The following ULK2 variants were observed in gnomAD, a reference collection of about 807,000 sequenced individuals.
ULK2 encodes unc-51 like autophagy activating kinase 2.
In ULK2, 76 loss-of-function variants were observed where a neutral mutation model predicts 127.5. That is an observed-to-expected ratio of 0.60 (90% CI 0.50 to 0.72). The LOEUF (loss-of-function observed/expected upper bound fraction) is 0.72, where lower values mean the gene tolerates loss of function less well. Among genes scored for constraint, ULK2 ranks in the 30% least tolerant of loss-of-function variants. The pLI is 0.00. For missense variants in ULK2, 1,144 were observed against 1,295.9 expected, an observed-to-expected ratio of 0.88 and a Z score of 1.80; for synonymous variants, 452 against 461.9, an observed-to-expected ratio of 0.98 and a Z score of 0.28.
Position 19,785,876 on chromosome 17 carries a change from T to C in ULK2, c.2251+61A>G, listed in dbSNP as rs1035820516. 6 of 1,562,386 alleles carry C rather than the reference T, an allele frequency of 3.8e-6. No individual in the cohort carries two copies. In the African/African-American group the frequency reaches 5.6e-5, roughly 15 times the overall value. The stretch of plus-strand genomic sequence containing the variant: ...TGTCCAAGTTACAACACTGAGTCAT[T>C]TGTCAAAACACTACATTCCAAATAC... On this transcript the variant is annotated intron_variant, in intron 21 of 26. Transcript: ENST00000395544.
chr17:19,850,436 T>C (rs1296776525), intron 3 of ULK2, among the ~76,000 whole-genome samples: 1 of 152,178 alleles, frequency 6.6e-6, no homozygotes, highest in Non-Finnish European at 1.5e-5. Flanking sequence ...AAAGACTGAT[T>C]AGCTGGCTCT....
intron 3 of ULK2, among the ~76,000 whole-genome samples, chr17:19,857,937 CTTACT>C (rs1271242486): frequency 3.3e-5 from 5 of 152,006 alleles, no homozygotes; most frequent in African/African-American, 1.2e-4. Context: ...CCTTGGGAAA[CTTACT>C]TTATTTTCTC....
Position 19,849,880 on chromosome 17 carries a change from A to G in ULK2, c.226-106T>C, listed in dbSNP as rs1290380792. On this transcript the variant is annotated intron_variant, in intron 3 of 26. Transcript: ENST00000395544. ...ACTTGTTCATTATTAAAACTGGTAA[A>G]ATGAAATCACAAAATCTATTAGAAA... 9 of 646,134 alleles carry G rather than the reference A, an allele frequency of 1.4e-5. No homozygotes were observed. In the East Asian group the frequency reaches 2.8e-4, roughly 20 times the overall value. 40.0% of individuals were successfully genotyped at this position (646,134 alleles called of 1,614,324 possible).
chr17:19,855,615 A>G (rs1273693232), intron 3 of ULK2: 1 of 151,346 alleles, frequency 6.6e-6, no homozygotes, highest in Non-Finnish European at 1.5e-5. Context: ...AAAAAAAAAA[A>G]AAAAAGGAAA....
intron 12 of ULK2, among the ~76,000 whole-genome samples, chr17:19,823,228 T>A (rs868509819): frequency 6.9e-6 from 1 of 145,380 alleles, no homozygotes; most frequent in African/African-American, 2.6e-5. Flanking sequence ...TCAGAAAAAA[T>A]AGGTTTGTCC....
chr17:19,819,611 T>G (rs1048570902), intron 12 of ULK2, among the ~76,000 whole-genome samples: 1 of 152,210 alleles, frequency 6.6e-6, no homozygotes, highest in Non-Finnish European at 1.5e-5. Flanking sequence ...CTTTGTTCAC[T>G]TGCCTATACA....
At chr17:19,802,191 C>T (rs1014382647) in intron 15 of ULK2, among the ~76,000 whole-genome samples, 5 of 152,116 alleles carry the variant, frequency 3.3e-5, no homozygotes, top group Admixed American at 6.6e-5. Context: ...TTCCTTAATG[C>T]ATATACAAAA....
intron 10 of ULK2, among the ~76,000 whole-genome samples, chr17:19,837,167 C>T (rs573851126): frequency 3.1e-4 from 47 of 151,874 alleles, no homozygotes; most frequent in Admixed American, 1.2e-3. Context: ...TCTGTAATCT[C>T]AGCATTTTGG....
intron 3 of ULK2, among the ~76,000 whole-genome samples, chr17:19,854,464 C>T (rs563306089): frequency 2.2e-4 from 33 of 152,212 alleles, no homozygotes; most frequent in African/African-American, 7.9e-4. Context: ...CTCACCTAAT[C>T]TGACCCTGAT....
At chr17:19,779,477 A>G (rs1263671306) in intron 25 of ULK2, among the ~76,000 whole-genome samples, 1 of 141,356 alleles carries the variant, frequency 7.1e-6, no homozygotes, top group African/African-American at 2.6e-5. Context: ...GGTTGCAGTG[A>G]GCCAAGATCA....
At chr17:19,865,962 GA>G (rs1309981687) in intron 1 of ULK2, 134 bp from the exon 2 acceptor site, 15 of 588,682 alleles carry the variant, frequency 2.5e-5, no homozygotes, top group Non-Finnish European at 3.9e-5. Context: ...TCAATAATTG[GA>G]AAGTGATTTC....
In ULK2 at chr17:19,841,477, C is replaced by T. The variant is rs755363362; in HGVS notation, c.704+12G>A. On this transcript the variant is annotated intron_variant, in intron 9 of 26. Coordinates refer to ENST00000395544, the MANE Select transcript of ULK2 (RefSeq NM_014683.4). ...CACAAATAGTAAAACCCAGTGTAAT[C>T]TAAACACATACCTAGGCATTAAGCT... 5 of 1,587,930 alleles carry T rather than the reference C, an allele frequency of 3.1e-6. No homozygotes were observed. Among genetic ancestry groups the T allele is most frequent in the Non-Finnish European group, 2.6e-6 (3 of 1,172,394 alleles).
intron 12 of ULK2, among the ~76,000 whole-genome samples, chr17:19,824,012 A>G (rs564180136): frequency 1.3e-5 from 2 of 152,292 alleles, no homozygotes; most frequent in East Asian, 3.9e-4. Flanking sequence ...GAAGAACCCT[A>G]CGAGGTAGGT....
chr17:19,814,730 G>A (rs1344787965), intron 13 of ULK2, among the ~76,000 whole-genome samples: 2 of 151,902 alleles, frequency 1.3e-5, no homozygotes, highest in Non-Finnish European at 2.9e-5. Flanking sequence ...AGTTTCTGTA[G>A]AGAAAGAATC....
chr17:19,785,200 T>A (rs205089), intron 21 of ULK2, among the ~76,000 whole-genome samples: 143,240 of 151,966 alleles, frequency 0.94, 67,666 homozygotes, highest in Non-Finnish European at 0.97. Flanking sequence ...AAATTAAAAA[T>A]AAATAAATAA....
At chr17:19,840,034 T>A in intron 9 of ULK2, 1 of 292,352 alleles carries the variant, frequency 3.4e-6, no homozygotes, top group South Asian at 3.4e-5. Context: ...AAAACAGGGA[T>A]CTGATTAAAT....
intron 3 of ULK2, among the ~76,000 whole-genome samples, chr17:19,851,014 A>G (rs1218457220): frequency 6.6e-6 from 1 of 151,738 alleles, no homozygotes; most frequent in Non-Finnish European, 1.5e-5. Flanking sequence ...ATTCATCTCT[A>G]CTAACAATTA....
At chr17:19,834,062 T>A (rs1245855451) in intron 10 of ULK2, among the ~76,000 whole-genome samples, 1 of 151,874 alleles carries the variant, frequency 6.6e-6, no homozygotes, top group African/African-American at 2.4e-5. Context: ...TCAAAAGCAC[T>A]AAGAGAAAAA....
rs550658264 is a variant in ULK2 at position 19,841,379 on chromosome 17, A to C, written c.704+110T>G. ...AATTTGTTGTAACAAATGCTTTCAC[A>C]TTATCAACTGAAAAAGAATTAAAAA... On this transcript the variant is annotated intron_variant, in intron 9 of 26. Transcript: ENST00000395544. 109 of 1,098,728 alleles carry C rather than the reference A, an allele frequency of 9.9e-5. 1 individual carries two copies. The Middle Eastern group carries it at 1.2e-3, about 12-fold the overall frequency. The allele number at this position is 1,098,728 out of a possible 1,614,324, so 68.1% of individuals were successfully genotyped here.
Sources: gnomAD v4.1 joint callset for allele counts (sites outside exome capture counted in the v4.1 genomes callset) on GRCh38, gnomAD v4.1.1 for gene constraint, MANE v1.5 for transcripts, NCBI Gene and HGNC (gene_info 2026-07-23, HGNC 2026-07-21) for gene names.